Variants in PRXL2A observed in about 807,000 individuals in gnomAD.
PRXL2A encodes the protein peroxiredoxin like 2A.
PRXL2A carries 26 observed loss-of-function variants against 25.6 expected under a neutral mutation model. The ratio of observed to expected loss-of-function variants is 1.02; its 90% CI spans 0.74 to 1.41. The LOEUF (loss-of-function observed/expected upper bound fraction) is 1.41, where lower values mean the gene tolerates loss of function less well. Ranked by LOEUF, PRXL2A falls within the 40% of genes most tolerant of loss-of-function variation. The pLI, the probability that PRXL2A is intolerant of heterozygous loss-of-function variation, is 0.00. For synonymous variants in PRXL2A, 98 were observed against 102.9 expected (o/e 0.95, Z 0.29); for missense variants, 246 against 273.9 (o/e 0.90, Z 0.72).
At chr10:80,412,841 G>C (rs141410318) in intron 1 of PRXL2A, among the ~76,000 whole-genome samples, 401 of 152,308 alleles carry the variant, frequency 2.6e-3, no homozygotes, top group Non-Finnish European at 4.1e-3. Context: ...TATTGTTAGT[G>C]AGAGTCTGAA....
chr10:80,416,086 C>G (rs1844652564), intron 1 of PRXL2A, among the ~76,000 whole-genome samples: 1 of 152,206 alleles, frequency 6.6e-6, no homozygotes, highest in African/African-American at 2.4e-5. Flanking sequence ...GTTCCAGGCT[C>G]TGGGAAATCT....
intron 3 of PRXL2A, among the ~76,000 whole-genome samples, chr10:80,425,356 T>C (rs921948703): frequency 6.6e-6 from 1 of 152,166 alleles, no homozygotes; most frequent in Non-Finnish European, 1.5e-5. Flanking sequence ...TTCCAAGAAA[T>C]GGAAGACATA....
chr10:80,427,274 C>A, intron 4 of PRXL2A, 58 bp from the exon 5 acceptor site: 1 of 1,519,304 alleles, frequency 6.6e-7, no homozygotes, highest in Non-Finnish European at 9.0e-7. Context: ...GCGTTTCCTC[C>A]TTGAGGAAGG....
intron 1 of PRXL2A, among the ~76,000 whole-genome samples, 159 bp downstream of exon 1, chr10:80,408,802 G>T (rs572648772): frequency 1.3e-5 from 2 of 152,290 alleles, no homozygotes; most frequent in East Asian, 3.9e-4. Flanking sequence ...CTTAGGAGCC[G>T]CCGCAGCGCT....
chr10:80,429,515 A>G (rs1028778463), intron 5 of PRXL2A, among the ~76,000 whole-genome samples: 3 of 146,584 alleles, frequency 2.0e-5, no homozygotes, highest in Admixed American at 6.9e-5. Flanking sequence ...AACTCCAGAG[A>G]CCCTTCCCGG....
chr10:80,420,662 C>A lies in PRXL2A; in HGVS notation c.178+17C>A. ...TGGAGAAGGGTAAGTGGTGACCCTT[C>A]AGGTCTCAGTACTTTTCCAAGGAGC... On this transcript the variant is annotated intron_variant, in intron 2 of 5. Transcript: ENST00000606162. The A allele has an allele frequency of 6.4e-7, 1 of 1,553,486 alleles. No individual in the cohort carries two copies. The highest frequency in any genetic ancestry group is 1.2e-5 in the South Asian group (1 of 81,932).
At chr10:80,426,092 C>G in intron 4 of PRXL2A, 86 bp downstream of exon 4, 1 of 1,550,952 alleles carries the variant, frequency 6.4e-7, no homozygotes, top group East Asian at 2.3e-5. Flanking sequence ...GTATGTCTGG[C>G]CTGGAGCTGG....
intron 1 of PRXL2A, among the ~76,000 whole-genome samples, chr10:80,417,071 A>G (rs1185545715): frequency 6.6e-6 from 1 of 152,210 alleles, no homozygotes; most frequent in Non-Finnish European, 1.5e-5. Flanking sequence ...ATTAACTTTT[A>G]TACCTGGTTT....
At chr10:80,427,772 G>A (rs562026470) in intron 5 of PRXL2A, among the ~76,000 whole-genome samples, 44 of 152,172 alleles carry the variant, frequency 2.9e-4, no homozygotes, top group Non-Finnish European at 4.0e-4. Flanking sequence ...GAACTGAAAA[G>A]GGATGAGCAG....
chr10:80,431,468 G>C (rs1050402487), intron 5 of PRXL2A, among the ~76,000 whole-genome samples: 2 of 151,930 alleles, frequency 1.3e-5, no homozygotes, highest in African/African-American at 4.8e-5. Context: ...TAACTTTGGG[G>C]TATCTTGTGT....
At chr10:80,413,818 T>G in intron 1 of PRXL2A, 1 of 1,118,248 alleles carries the variant, frequency 8.9e-7, no homozygotes, top group Non-Finnish European at 1.1e-6. Context: ...CAGGCCCGTC[T>G]GCTCACCCCT....
At chr10:80,421,168 T>A (rs1216211259) in intron 2 of PRXL2A, among the ~76,000 whole-genome samples, 3 of 152,184 alleles carry the variant, frequency 2.0e-5, no homozygotes, top group Non-Finnish European at 4.4e-5. Context: ...TGCTGCTGAT[T>A]CAGGCATGGC....
At chr10:80,419,979 CA>C in intron 1 of PRXL2A, 1 of 985,394 alleles carries the variant, frequency 1.0e-6, no homozygotes, top group African/African-American at 1.7e-5. Flanking sequence ...GGGAACAAAA[CA>C]GTGCGGTTGG....
chr10:80,417,746 C>CT lies in PRXL2A; in HGVS notation c.-2-2709dup, dbSNP rs1226334750. Among the ~76,000 whole-genome samples, 384 of 119,384 alleles carry CT rather than the reference C, an allele frequency of 3.2e-3. 1 individual carries two copies. The highest frequency in any genetic ancestry group is 0.011 in the African/African-American group (335 of 29,662). The allele number at this position is 119,384 out of a possible 152,430, so 78.3% of individuals were successfully genotyped here. ...TGGAACTTCTTTTCTTCTTCTTCATCTTTTTTTTTTTGTTTTTTTTTTTTT... is the reference window on the plus strand; with the variant it reads ...TGGAACTTCTTTTCTTCTTCTTCATCTTTTTTTTTTTTGTTTTTTTTTTTTT... On this transcript the variant is annotated intron_variant, in intron 1 of 5. Transcript: ENST00000606162.
At chr10:80,408,959 T>G (rs1844364704) in intron 1 of PRXL2A, 13 of 906,198 alleles carry the variant, frequency 1.4e-5, no homozygotes, top group Non-Finnish European at 1.7e-5. Flanking sequence ...CCGCAAGCCT[T>G]GAGTGACGCC....
intron 5 of PRXL2A, among the ~76,000 whole-genome samples, chr10:80,429,408 A>G (rs1265219331): frequency 2.0e-5 from 3 of 152,182 alleles, no homozygotes; most frequent in Non-Finnish European, 4.4e-5. Flanking sequence ...ATTCCCATCC[A>G]CATATACAGC....
intron 3 of PRXL2A, among the ~76,000 whole-genome samples, chr10:80,423,150 G>A (rs1393852872): frequency 6.6e-6 from 1 of 152,348 alleles, no homozygotes; most frequent in East Asian, 1.9e-4. Context: ...GTGGTCTCCA[G>A]GTTGGCCCCT....
intron 1 of PRXL2A, chr10:80,419,986 G>T (rs568449672): frequency 4.1e-6 from 4 of 985,396 alleles, no homozygotes; most frequent in Non-Finnish European, 4.8e-6. Flanking sequence ...AAACAGTGCG[G>T]TTGGTGTTCT....
At chr10:80,421,961 G>A (rs748589079) in intron 2 of PRXL2A, among the ~76,000 whole-genome samples, 6 of 152,180 alleles carry the variant, frequency 3.9e-5, no homozygotes, top group Non-Finnish European at 7.3e-5. Context: ...CTACCCCAAA[G>A]CATTTTATTC....
Sources: allele counts gnomAD v4.1 joint callset (sites outside exome capture counted in the v4.1 genomes callset), GRCh38; gene constraint gnomAD v4.1.1; transcripts MANE v1.5; gene names NCBI Gene and HGNC (gene_info 2026-07-23, HGNC 2026-07-21).